GALNTL6: variants seen among roughly 807,000 people sequenced by gnomAD.
GALNTL6 encodes the protein polypeptide N-acetylgalactosaminyltransferase like 6.
A neutral mutation model predicts 73.7 loss-of-function variants in GALNTL6; 46 were observed. The observed-to-expected ratio is 0.62, with a 90% CI of 0.49 to 0.80. GALNTL6 has a LOEUF of 0.80. Ranked by LOEUF, GALNTL6 falls within the 30% of genes least tolerant of loss-of-function variation. The pLI is 0.00. For synonymous variants in GALNTL6, 259 were observed against 263.7 expected (o/e 0.98, Z 0.17); for missense variants, 604 against 755.0 (o/e 0.80, Z 2.34).
At chr4:172,706,819 A>G (rs185072964) in intron 5 of GALNTL6, among the ~76,000 whole-genome samples, 1 of 152,256 alleles carries the variant, frequency 6.6e-6, no homozygotes, top group Admixed American at 6.5e-5. Flanking sequence ...TTGACAGCAT[A>G]GTGGTCATGT....
chr4:172,313,926 C>T (rs1740454952), intron 4 of GALNTL6, among the ~76,000 whole-genome samples: 1 of 152,206 alleles, frequency 6.6e-6, no homozygotes, highest in African/African-American at 2.4e-5. Context: ...CTTAGCAATG[C>T]TGGAAGAGAA....
chr4:172,095,716 C>T (rs1732332328), intron 2 of GALNTL6, among the ~76,000 whole-genome samples: 1 of 152,002 alleles, frequency 6.6e-6, no homozygotes, highest in African/African-American at 2.4e-5. Context: ...TTTTAAAGGG[C>T]TTATTGCAAT....
chr4:173,030,856 G>C (rs1288764101), intron 12 of GALNTL6, among the ~76,000 whole-genome samples: 1 of 139,570 alleles, frequency 7.2e-6, no homozygotes, highest in African/African-American at 2.7e-5. Context: ...AAAAAAAAAA[G>C]CTGGGCATAG....
At position 172,311,554 on chromosome 4, in the gene GALNTL6, T is replaced by C; in HGVS notation, c.248-60T>C. 4.8e-6 allele frequency: 7 copies of C among 1,462,496 alleles called. No homozygotes were observed. The South Asian group carries it at 9.6e-5, about 20-fold the overall frequency. The allele number at this position is 1,462,496 out of a possible 1,614,324, so 90.6% of individuals were successfully genotyped here. A position where few individuals can be genotyped will look rare whatever the true frequency, so the allele number is the denominator to read the frequency against. ...ATACACATTCCAGTCTTCCTATCTG[T>C]TCTAGAAGATAAAATGGCTTTTATA... On this transcript the variant is annotated intron_variant, in intron 3 of 12. Coordinates refer to ENST00000506823, the MANE Select transcript of GALNTL6 (RefSeq NM_001034845.3).
intron 5 of GALNTL6, among the ~76,000 whole-genome samples, chr4:172,744,891 C>G (rs1443031402): frequency 6.6e-6 from 1 of 150,638 alleles, no homozygotes; most frequent in Admixed American, 6.6e-5. Context: ...TCATAATATC[C>G]ACCAATTTTG....
intron 11 of GALNTL6, among the ~76,000 whole-genome samples, chr4:173,020,160 C>T (rs556709993): frequency 6.6e-6 from 1 of 152,322 alleles, no homozygotes; most frequent in African/African-American, 2.4e-5. Flanking sequence ...TTAAGGATTT[C>T]TCCTACTGTA....
At chr4:171,879,102 A>G (rs1736364157) in intron 2 of GALNTL6, among the ~76,000 whole-genome samples, 1 of 152,192 alleles carries the variant, frequency 6.6e-6, no homozygotes, top group Admixed American at 6.5e-5. Flanking sequence ...AGAACAAACT[A>G]ATACCGTATT....
intron 8 of GALNTL6, among the ~76,000 whole-genome samples, chr4:172,922,490 T>C (rs762056515): frequency 1.3e-5 from 2 of 152,146 alleles, no homozygotes; most frequent in Admixed American, 6.5e-5. Flanking sequence ...TCTACTGAAA[T>C]GTGCATAGTT....
rs185192455 is a variant in GALNTL6, at chr4:172,919,451, A to C, written c.1042-11710A>C. Reference sequence around the variant, plus strand: ...GAGGTAGTTCCAGCCACCATGATGAAACCTCAGAGAAGGACTTCAATTCAC... The same window carrying C: ...GAGGTAGTTCCAGCCACCATGATGACACCTCAGAGAAGGACTTCAATTCAC... On this transcript the variant is annotated intron_variant, in intron 8 of 12. Coordinates refer to ENST00000506823, the MANE Select transcript of GALNTL6 (RefSeq NM_001034845.3). Among the ~76,000 whole-genome samples, 208 of 152,230 alleles carry C rather than the reference A, an allele frequency of 1.4e-3. 1 individual carries two copies. The highest frequency in any genetic ancestry group is 4.8e-3 in the African/African-American group (199 of 41,532).
chr4:172,825,079 TTTC>T (rs1238004803), intron 7 of GALNTL6, among the ~76,000 whole-genome samples: 5 of 13,296 alleles, frequency 3.8e-4, no homozygotes, highest in Non-Finnish European at 6.4e-4. Context: ...TTGGTTATCT[TTTC>T]TTTCTTTCTT....
In GALNTL6 at chr4:172,391,992, GT is replaced by G. The variant is rs796093754; in HGVS notation, c.553+43313del. Among the ~76,000 whole-genome samples, 462 of 149,968 alleles carry G rather than the reference GT, an allele frequency of 3.1e-3. 3 individuals are homozygous for G. Among genetic ancestry groups the G allele is most frequent in the African/African-American group, 9.8e-3 (400 of 40,936 alleles). ...TTTTTAACTCAAAAAATTTTAAACAGTTTTTTTTTTCTTTGAGATGGAGTCT... is the reference window on the plus strand; with the variant it reads ...TTTTTAACTCAAAAAATTTTAAACAGTTTTTTTTTCTTTGAGATGGAGTCT... On this transcript the variant is annotated intron_variant, in intron 5 of 12. Coordinates refer to ENST00000506823, the MANE Select transcript of GALNTL6 (RefSeq NM_001034845.3).
intron 2 of GALNTL6, among the ~76,000 whole-genome samples, chr4:172,143,441 C>T (rs1442571449): frequency 6.6e-6 from 1 of 151,558 alleles, no homozygotes; most frequent in African/African-American, 2.4e-5. Flanking sequence ...TAGTAGATTT[C>T]CTTCCTTGTT....
intron 2 of GALNTL6, among the ~76,000 whole-genome samples, chr4:172,202,380 A>G (rs1735982727): frequency 6.6e-6 from 1 of 152,228 alleles, no homozygotes; most frequent in Non-Finnish European, 1.5e-5. Flanking sequence ...TAAATAAATA[A>G]AAGAATGAAA....
chr4:171,890,865 A>G (rs1471685242), intron 2 of GALNTL6, among the ~76,000 whole-genome samples: 2 of 152,152 alleles, frequency 1.3e-5, no homozygotes, highest in Non-Finnish European at 2.9e-5. Context: ...GTAAAATTTT[A>G]AAGATGATTA....
intron 11 of GALNTL6, among the ~76,000 whole-genome samples, chr4:173,015,857 T>C (rs538596777): frequency 6.6e-6 from 1 of 152,300 alleles, no homozygotes; most frequent in African/African-American, 2.4e-5. Flanking sequence ...ATCACAGACC[T>C]TCACAGCAGC....
intron 5 of GALNTL6, among the ~76,000 whole-genome samples, chr4:172,758,262 C>T (rs1023134885): frequency 3.9e-5 from 6 of 152,182 alleles, no homozygotes; most frequent in African/African-American, 9.7e-5. Context: ...AGGCCAGGTG[C>T]GGTGGCTCAT....
intron 5 of GALNTL6, among the ~76,000 whole-genome samples, chr4:172,452,142 T>C (rs1378679471): frequency 3.9e-5 from 6 of 152,126 alleles, no homozygotes; most frequent in Non-Finnish European, 8.8e-5. Flanking sequence ...TTTCCTGATA[T>C]AACTGTCCAT....
In GALNTL6 at chr4:172,851,708, G is replaced by A. The variant is rs1743827431; in HGVS notation, c.924-31082G>A. 3.9e-5 allele frequency among the ~76,000 whole-genome samples: 6 copies of A among 152,106 alleles called. No homozygotes were observed. The South Asian group carries it at 1.2e-3, about 32-fold the overall frequency. ...TTCATTATAGGATCAGTCACAAGTT[G>A]GAGACAAAGAAACCCAGTTTAGTTT... is the stretch of plus-strand genomic sequence containing the variant. On this transcript the variant is annotated intron_variant, in intron 7 of 12. Transcript: ENST00000506823.
At chr4:171,963,857 G>A (rs1739304931) in intron 2 of GALNTL6, among the ~76,000 whole-genome samples, 1 of 152,192 alleles carries the variant, frequency 6.6e-6, no homozygotes, top group African/African-American at 2.4e-5. Context: ...CACATCTTGA[G>A]AGCAGAAGCA....
Sources: allele counts gnomAD v4.1 joint callset (sites outside exome capture counted in the v4.1 genomes callset), GRCh38; gene constraint gnomAD v4.1.1; transcripts MANE v1.5; gene names NCBI Gene and HGNC (gene_info 2026-07-23, HGNC 2026-07-21).